CDIN1: variants seen among roughly 807,000 people sequenced by gnomAD.
CDIN1 encodes CDAN1-interacting nuclease 1.
In CDIN1, 33 loss-of-function variants were observed where a neutral mutation model predicts 45.3. That is an observed-to-expected ratio of 0.73 (90% CI 0.55 to 0.97). The LOEUF is 0.97. Among genes scored for constraint, CDIN1 ranks in the 50% least tolerant of loss-of-function variants. The pLI is 0.00. For missense variants in CDIN1, 303 were observed against 339.4 expected, an observed-to-expected ratio of 0.89 and a Z score of 0.84; for synonymous variants, 118 against 124.4, an observed-to-expected ratio of 0.95 and a Z score of 0.34.
In CDIN1 at chr15:36,596,440, T is replaced by C. The variant is rs138678630; in HGVS notation, c.101+16479T>C. On this transcript the variant is annotated intron_variant, in intron 1 of 10. Transcript: ENST00000566621. ...TTCTTAGGATTTTTGCATGAAGATA[T>C]AAAGTGGAGTTTTTCTTAGTTACTT... Among the ~76,000 whole-genome samples the C allele has an allele frequency of 2.6e-4, 39 of 152,304 alleles. No individual in the cohort carries two copies. In the East Asian group the frequency reaches 6.7e-3, roughly 26 times the overall value.
At chr15:36,747,209 A>C (rs1351583016) in intron 10 of CDIN1, 2 of 379,112 alleles carry the variant, frequency 5.3e-6, no homozygotes, top group African/African-American at 2.1e-5. Context: ...TTGTTATATT[A>C]TCTCTCTAAA....
At chr15:36,610,885 A>C (rs1276031020) in intron 1 of CDIN1, among the ~76,000 whole-genome samples, 1 of 152,172 alleles carries the variant, frequency 6.6e-6, no homozygotes, top group East Asian at 1.9e-4. Flanking sequence ...TCCAGTGGGA[A>C]GAGTAATGGT....
intron 5 of CDIN1, among the ~76,000 whole-genome samples, chr15:36,680,011 G>A (rs1247317905): frequency 6.6e-6 from 1 of 152,194 alleles, no homozygotes; most frequent in Non-Finnish European, 1.5e-5. Context: ...GGTTATATTT[G>A]AGAATCTAAT....
At chr15:36,755,387 G>A (rs777990764) in intron 10 of CDIN1, among the ~76,000 whole-genome samples, 12 of 151,926 alleles carry the variant, frequency 7.9e-5, no homozygotes, top group Non-Finnish European at 1.3e-4. Flanking sequence ...CAATTTTCTC[G>A]TTTCTGAAGT....
chr15:36,771,072 G>T (rs985817558), intron 10 of CDIN1, among the ~76,000 whole-genome samples: 1 of 152,218 alleles, frequency 6.6e-6, no homozygotes, highest in African/African-American at 2.4e-5. Flanking sequence ...TGCCTCAGGG[G>T]AGGAAGAGAG....
intron 1 of CDIN1, among the ~76,000 whole-genome samples, chr15:36,607,958 T>C (rs1171179423): frequency 6.6e-6 from 1 of 152,244 alleles, no homozygotes; most frequent in Non-Finnish European, 1.5e-5. Flanking sequence ...TAATGGATAT[T>C]ATACAATACG....
chr15:36,670,604 T>C (rs952405075), intron 5 of CDIN1, among the ~76,000 whole-genome samples: 2 of 152,174 alleles, frequency 1.3e-5, no homozygotes, highest in Non-Finnish European at 2.9e-5. Context: ...TATGCTTCAG[T>C]CATCACTCTT....
intron 1 of CDIN1, among the ~76,000 whole-genome samples, chr15:36,605,617 C>G (rs763419523): frequency 1.3e-5 from 2 of 152,170 alleles, no homozygotes; most frequent in African/African-American, 2.4e-5. Context: ...ACTTGGTTTC[C>G]AAGGTCTAAT....
At chr15:36,758,847 A>C (rs2053680451) in intron 10 of CDIN1, among the ~76,000 whole-genome samples, 1 of 152,226 alleles carries the variant, frequency 6.6e-6, no homozygotes, top group South Asian at 2.1e-4. Context: ...TCTCAGTATA[A>C]CTTAAAACAT....
intron 5 of CDIN1, among the ~76,000 whole-genome samples, chr15:36,664,750 G>GT (rs1479626179): frequency 6.6e-6 from 1 of 152,094 alleles, no homozygotes; most frequent in African/African-American, 2.4e-5. Context: ...GTTTCACCAT[G>GT]TTAGCCAGGA....
At chr15:36,606,263 C>A (rs562604754) in intron 1 of CDIN1, among the ~76,000 whole-genome samples, 3 of 152,152 alleles carry the variant, frequency 2.0e-5, no homozygotes, top group African/African-American at 7.2e-5. Context: ...TATACTACCT[C>A]CCATGTGATT....
intron 1 of CDIN1, among the ~76,000 whole-genome samples, chr15:36,593,958 C>T (rs1478350262): frequency 1.3e-5 from 2 of 152,180 alleles, no homozygotes. Context: ...GTTGCATAAA[C>T]TCTTAAAAAG....
intron 1 of CDIN1, among the ~76,000 whole-genome samples, chr15:36,589,711 A>T: frequency 6.6e-6 from 1 of 151,984 alleles, no homozygotes; most frequent in African/African-American, 2.4e-5. Context: ...TCACCGTGTT[A>T]GCCAGGATGG....
chr15:36,617,362 A>G (rs1006663258), intron 1 of CDIN1: 16 of 1,565,894 alleles, frequency 1.0e-5, no homozygotes, highest in Non-Finnish European at 1.4e-5. Flanking sequence ...AACTGATGGG[A>G]TGATTTTAGG....
At chr15:36,682,490 TG>T (rs2041885541) in intron 5 of CDIN1, among the ~76,000 whole-genome samples, 2 of 151,588 alleles carry the variant, frequency 1.3e-5, no homozygotes, top group Admixed American at 1.3e-4. Context: ...AAATGATGTT[TG>T]GGCTGGGCAA....
At chr15:36,762,727 G>A (rs1427884844) in intron 10 of CDIN1, among the ~76,000 whole-genome samples, 1 of 151,822 alleles carries the variant, frequency 6.6e-6, no homozygotes, top group Non-Finnish European at 1.5e-5. Context: ...CCACCTAAGA[G>A]TGAGAACATG....
chr15:36,789,604 G>A (rs1025886284), intron 10 of CDIN1, among the ~76,000 whole-genome samples: 3 of 152,192 alleles, frequency 2.0e-5, no homozygotes, highest in Non-Finnish European at 2.9e-5. Context: ...GTGGTTAACA[G>A]TAAGGTATAC....
intron 10 of CDIN1, among the ~76,000 whole-genome samples, chr15:36,744,491 A>G (rs559216157): frequency 1.3e-4 from 20 of 152,296 alleles, no homozygotes; most frequent in Non-Finnish European, 2.9e-4. Flanking sequence ...AGCGCCTACT[A>G]TGTTCACCAT....
intron 10 of CDIN1, among the ~76,000 whole-genome samples, chr15:36,716,513 A>G (rs1473012671): frequency 6.6e-6 from 1 of 152,166 alleles, no homozygotes; most frequent in Non-Finnish European, 1.5e-5. Context: ...AATTGATACT[A>G]AAAAGGCTTG....
Sources: allele counts gnomAD v4.1 joint callset (sites outside exome capture counted in the v4.1 genomes callset), GRCh38; gene constraint gnomAD v4.1.1; transcripts MANE v1.5; gene names NCBI Gene and HGNC (gene_info 2026-07-23, HGNC 2026-07-21).